Variants in SIPA1L1 observed in about 807,000 individuals in gnomAD.
SIPA1L1 encodes the protein signal-induced proliferation-associated 1-like protein 1.
In SIPA1L1, 26 loss-of-function variants were observed where a neutral mutation model predicts 162.7. That is an observed-to-expected ratio of 0.16 (90% CI 0.12 to 0.22). The LOEUF (loss-of-function observed/expected upper bound fraction) is 0.22, where lower values mean the gene tolerates loss of function less well. SIPA1L1 is among the 10% of genes least tolerant of loss of function. The probability of loss-of-function intolerance (pLI) is 1.00; values close to 1 mark genes in which losing one functional copy is unlikely to be tolerated. For missense variants in SIPA1L1, 1,874 were observed against 2,241.0 expected (o/e 0.84, Z 3.31); for synonymous variants, 829 against 837.4 (o/e 0.99, Z 0.17).
rs1189940440 is a variant in SIPA1L1, at chr14:71,446,906, GTTTTTTTTT to G, written c.-464-65822_-464-65814del. Among the ~76,000 whole-genome samples, 3 of 53,244 alleles carry G rather than the reference GTTTTTTTTT, an allele frequency of 5.6e-5. No homozygotes were observed. In the Admixed American group the frequency reaches 9.1e-4, roughly 16 times the overall value. The allele number at this position is 53,244 out of a possible 152,430, so 34.9% of individuals were successfully genotyped here. A position where few individuals can be genotyped will look rare whatever the true frequency, so the allele number is the denominator to read the frequency against. On this transcript the variant is annotated intron_variant, in intron 2 of 23. Transcript: ENST00000381232. Reference sequence around the variant, plus strand: ...AGAGATGGGCTCTGTTTTTTTTTTTGTTTTTTTTTTTTTTTTTTTTTTTGAGACAGGCCC... The same window carrying G: ...AGAGATGGGCTCTGTTTTTTTTTTTGTTTTTTTTTTTTTTGAGACAGGCCC...
chr14:71,590,229 AT>A (rs1477721307), intron 5 of SIPA1L1, among the ~76,000 whole-genome samples: 1 of 151,854 alleles, frequency 6.6e-6, no homozygotes, highest in Non-Finnish European at 1.5e-5. Context: ...AGCAGCGTTA[AT>A]TAAGGAATGA....
intron 4 of SIPA1L1, among the ~76,000 whole-genome samples, chr14:71,565,814 G>A (rs2030386361): frequency 1.5e-5 from 1 of 67,790 alleles, no homozygotes; most frequent in Admixed American, 1.7e-4. Context: ...CTCCTTTATA[G>A]AAAATATTTA....
At chr14:71,452,380 T>G (rs1431638853) in intron 2 of SIPA1L1, among the ~76,000 whole-genome samples, 1 of 152,246 alleles carries the variant, frequency 6.6e-6, no homozygotes, top group African/African-American at 2.4e-5. Context: ...AATTTTTTAG[T>G]GTAGTATTCT....
At chr14:71,677,316 GGTT>G (rs908382367) in intron 12 of SIPA1L1, among the ~76,000 whole-genome samples, 2 of 152,120 alleles carry the variant, frequency 1.3e-5, no homozygotes, top group Admixed American at 1.3e-4. Flanking sequence ...ATTTTGATGG[GGTT>G]GTTTGATTTT....
chr14:71,368,139 ATTCTTTTTTTTTTTTTCT>A (rs1333976065), intron 2 of SIPA1L1, among the ~76,000 whole-genome samples: 11 of 118,798 alleles, frequency 9.3e-5, no homozygotes, highest in South Asian at 5.2e-4. Context: ...TTTTTGTGGT[ATTCTTTTTTTTTTTTTCT>A]TTCTTTTTTT....
At position 71,441,182 on chromosome 14, in the gene SIPA1L1, A is replaced by G. The variant is rs72728489; in HGVS notation, c.-464-71561A>G. ...AAACATGGTGTTGTCTGTTTGAATA[A>G]TGGAATTTCTGCAACTTATTTTACA... On this transcript the variant is annotated intron_variant, in intron 2 of 23. Transcript: ENST00000381232. Among the ~76,000 whole-genome samples the G allele has an allele frequency of 8.8e-3, 1,339 of 152,330 alleles. 11 individuals are homozygous for G. The highest frequency in any genetic ancestry group is 0.016 in the Non-Finnish European group (1,077 of 68,030).
chr14:71,373,853 G>T (rs1298421151), intron 2 of SIPA1L1, among the ~76,000 whole-genome samples: 1 of 152,006 alleles, frequency 6.6e-6, no homozygotes, highest in East Asian at 1.9e-4. Flanking sequence ...ATTGCTTGAG[G>T]CCAGGAGTTC....
chr14:71,400,496 A>G (rs1447781267), intron 2 of SIPA1L1, among the ~76,000 whole-genome samples: 1 of 152,100 alleles, frequency 6.6e-6, no homozygotes, highest in Non-Finnish European at 1.5e-5. Flanking sequence ...TTTGGTATTC[A>G]CGTCAGCAGT....
intron 2 of SIPA1L1, among the ~76,000 whole-genome samples, chr14:71,409,047 A>T (rs2042223642): frequency 6.6e-6 from 1 of 152,158 alleles, no homozygotes; most frequent in Non-Finnish European, 1.5e-5. Context: ...TTCCCCCGTG[A>T]TCCCCTCCTT....
chr14:71,333,820 G>C (rs2034806528), intron 2 of SIPA1L1, among the ~76,000 whole-genome samples: 2 of 152,128 alleles, frequency 1.3e-5, no homozygotes, highest in African/African-American at 4.8e-5. Flanking sequence ...GGAGTGCAAA[G>C]GTGGAAATAG....
intron 2 of SIPA1L1, among the ~76,000 whole-genome samples, chr14:71,348,696 A>G (rs1282009466): frequency 6.6e-6 from 1 of 152,236 alleles, no homozygotes; most frequent in Non-Finnish European, 1.5e-5. Context: ...GTGATAACTA[A>G]AAAGAGGCTA....
intron 2 of SIPA1L1, among the ~76,000 whole-genome samples, chr14:71,446,305 T>C (rs183115608): frequency 6.6e-6 from 1 of 152,360 alleles, no homozygotes; most frequent in Admixed American, 6.5e-5. Context: ...TCTTTTTCTA[T>C]GCATATGTAT....
At chr14:71,465,499 T>C (rs921346206) in intron 2 of SIPA1L1, among the ~76,000 whole-genome samples, 2 of 152,214 alleles carry the variant, frequency 1.3e-5, no homozygotes, top group Non-Finnish European at 2.9e-5. Context: ...TCCTTGCTGC[T>C]CACAGTGGTG....
intron 4 of SIPA1L1, among the ~76,000 whole-genome samples, chr14:71,531,627 C>T (rs1202237111): frequency 6.6e-6 from 1 of 152,014 alleles, no homozygotes; most frequent in Non-Finnish European, 1.5e-5. Flanking sequence ...TACAGTGGTG[C>T]AATCTCAGCT....
At chr14:71,330,713 G>A (rs564699062) in intron 2 of SIPA1L1, 2 of 874,988 alleles carry the variant, frequency 2.3e-6, no homozygotes, top group African/African-American at 1.6e-5. Context: ...TCATAGGCAG[G>A]CAGGAAAACC....
chr14:71,482,898 G>C (rs959039169), intron 2 of SIPA1L1, among the ~76,000 whole-genome samples: 4 of 152,208 alleles, frequency 2.6e-5, no homozygotes, highest in Non-Finnish European at 5.9e-5. Context: ...GTGCCTAGAT[G>C]TTCATGTTTA....
chr14:71,571,470 T>G (rs1430073874), intron 4 of SIPA1L1, among the ~76,000 whole-genome samples: 1 of 151,782 alleles, frequency 6.6e-6, no homozygotes. Context: ...CAGATGATCC[T>G]AAAAAAAATC....
intron 2 of SIPA1L1, among the ~76,000 whole-genome samples, chr14:71,383,772 AG>A (rs1292204165): frequency 6.6e-6 from 1 of 152,082 alleles, no homozygotes; most frequent in Non-Finnish European, 1.5e-5. Flanking sequence ...CTTATCACCA[AG>A]GGGATGGTGC....
At position 71,740,858 on chromosome 14, in the gene SIPA1L1, CT is replaced by C. The variant is rs2152891193; in HGVS notation, c.*1698del. The C allele has an allele frequency of 1.3e-5, 2 of 152,296 alleles. 1 individual carries two copies. Among genetic ancestry groups the C allele is most frequent in the Admixed American group, 1.3e-4 (2 of 15,290 alleles). The allele number at this position is 152,296 out of a possible 1,614,324, so 9.4% of individuals were successfully genotyped here. ...ATCTCTTTGTAAATGAGAAATATTG[CT>C]AACATCCAAGCATTCTGAAGTCTTG... On this transcript the variant is annotated 3_prime_UTR_variant, in exon 24 of 24. Transcript: ENST00000381232.
Sources: allele counts gnomAD v4.1 joint callset (sites outside exome capture counted in the v4.1 genomes callset), GRCh38; gene constraint gnomAD v4.1.1; transcripts MANE v1.5; gene names NCBI Gene and HGNC (gene_info 2026-07-23, HGNC 2026-07-21).